The following PTPRD variants were observed in gnomAD, a reference collection of about 807,000 sequenced individuals.
The protein encoded by PTPRD is receptor-type tyrosine-protein phosphatase delta.
A neutral mutation model predicts 214.5 loss-of-function variants in PTPRD; 34 were observed. The observed-to-expected ratio is 0.16, with a 90% confidence interval of 0.12 to 0.21. PTPRD has a LOEUF of 0.21. Ranked by LOEUF, PTPRD falls within the 10% of genes least tolerant of loss-of-function variation. The pLI is 1.00. For synonymous variants in PTPRD, 1,128 were observed against 845.7 expected, an observed-to-expected ratio of 1.33 and a Z score of -5.79; for missense variants, 2,545 against 2,398.7, an observed-to-expected ratio of 1.06 and a Z score of -1.27.
At chr9:9,057,507 C>G (rs911475911) in intron 10 of PTPRD, among the ~76,000 whole-genome samples, 3 of 151,970 alleles carry the variant, frequency 2.0e-5, no homozygotes, top group Non-Finnish European at 4.4e-5. Context: ...AAAAATGAAG[C>G]CTGAAATTTT....
intron 5 of PTPRD, among the ~76,000 whole-genome samples, chr9:9,897,131 T>TACACAC (rs60964311): frequency 0.13 from 19,115 of 148,838 alleles, 1,425 homozygotes; most frequent in Middle Eastern, 0.21. Context: ...CTCTTACACT[T>TACACAC]ACACACACAC....
intron 7 of PTPRD, among the ~76,000 whole-genome samples, chr9:9,721,763 G>C (rs2097953100): frequency 6.6e-6 from 1 of 151,964 alleles, no homozygotes; most frequent in Non-Finnish European, 1.5e-5. Flanking sequence ...TGTCATTCAG[G>C]TCATTTCTAT....
intron 9 of PTPRD, among the ~76,000 whole-genome samples, chr9:9,234,930 G>T (rs1222953565): frequency 6.6e-6 from 1 of 152,116 alleles, no homozygotes; most frequent in Admixed American, 6.6e-5. Context: ...TTCCAAAGTT[G>T]CTCTCACATT....
In PTPRD at chr9:10,310,111, G is replaced by C. The variant is rs149158288; in HGVS notation, c.-545+30852C>G. Among the ~76,000 whole-genome samples, 108 of 152,090 alleles carry C rather than the reference G, an allele frequency of 7.1e-4. 1 individual carries two copies. The highest frequency in any genetic ancestry group is 2.5e-3 in the Admixed American group (38 of 15,254). ...CCAATTACTCTCTTTTTGGACACAC[G>C]AACAAGAAGCCTTTATGGAGACTTA... is the stretch of plus-strand genomic sequence containing the variant. On this transcript the variant is annotated intron_variant, in intron 3 of 45. Coordinates refer to ENST00000381196, the MANE Select transcript of PTPRD (RefSeq NM_002839.4).
At chr9:10,573,153 T>C (rs1383170121) in intron 2 of PTPRD, among the ~76,000 whole-genome samples, 3 of 152,126 alleles carry the variant, frequency 2.0e-5, no homozygotes, top group African/African-American at 2.4e-5. Context: ...CCCACAAAAA[T>C]AGAACAAGAT....
chr9:8,445,251 C>T (rs1304165444), intron 34 of PTPRD, among the ~76,000 whole-genome samples: 1 of 152,124 alleles, frequency 6.6e-6, no homozygotes, highest in Non-Finnish European at 1.5e-5. Flanking sequence ...TGACCTTGTA[C>T]ACTAATAATG....
intron 4 of PTPRD, among the ~76,000 whole-genome samples, chr9:10,019,641 G>T (rs537906184): frequency 6.6e-6 from 1 of 152,142 alleles, no homozygotes; most frequent in Non-Finnish European, 1.5e-5. Flanking sequence ...CATGGATGAA[G>T]CTGGAAACCG....
In PTPRD at chr9:8,331,283, G is replaced by A. The variant is rs186832701; in HGVS notation, c.5534+299C>T. On this transcript the variant is annotated intron_variant, in intron 44 of 45. Transcript: ENST00000381196. Reference sequence around the variant, plus strand: ...AAGCAAATATGAAATGATTAACAACGAATTATTACTAGGGGAGGTACCAAC... The same window carrying A: ...AAGCAAATATGAAATGATTAACAACAAATTATTACTAGGGGAGGTACCAAC... 3.8e-3 allele frequency among the ~76,000 whole-genome samples: 578 copies of A among 152,148 alleles called. 4 individuals are homozygous for A. The highest frequency in any genetic ancestry group is 0.013 in the African/African-American group (549 of 41,518).
At chr9:9,095,612 G>C (rs2154434627) in intron 10 of PTPRD, among the ~76,000 whole-genome samples, 1 of 152,230 alleles carries the variant, frequency 6.6e-6, no homozygotes, top group East Asian at 1.9e-4. Flanking sequence ...TTATAGACGA[G>C]CCACCACACC....
chr9:9,695,567 G>T (rs1408926597), intron 7 of PTPRD, among the ~76,000 whole-genome samples: 1 of 152,040 alleles, frequency 6.6e-6, no homozygotes, highest in Non-Finnish European at 1.5e-5. Flanking sequence ...TTATTTCGAG[G>T]TATGTTCCTT....
intron 11 of PTPRD, among the ~76,000 whole-genome samples, chr9:8,791,422 C>A (rs1283075274): frequency 6.6e-6 from 1 of 151,714 alleles, no homozygotes; most frequent in Non-Finnish European, 1.5e-5. Context: ...GACATGGTTT[C>A]ACCATGTTGG....
intron 11 of PTPRD, among the ~76,000 whole-genome samples, chr9:8,928,580 G>GTACTATGCTGTT (rs58910166): frequency 6.7e-6 from 1 of 149,428 alleles, no homozygotes; most frequent in Non-Finnish European, 1.5e-5. Flanking sequence ...TTTGGTACCA[G>GTACTATGCTGTT]TTGGTTACTC....
rs556115714 is a variant in PTPRD, at chr9:8,933,393, A to G, written c.-104+85304T>C. ...AAAAGGACTCTAGTATAACATACAG[A>G]TAATAATTTATCCCTTTCTTATACC... On this transcript the variant is annotated intron_variant, in intron 11 of 45. Coordinates refer to ENST00000381196, the MANE Select transcript of PTPRD (RefSeq NM_002839.4). Among the ~76,000 whole-genome samples, 66 of 135,890 alleles carry G rather than the reference A, an allele frequency of 4.9e-4. No individual in the cohort carries two copies. The Middle Eastern group carries it at 0.013, about 26-fold the overall frequency. 89.1% of individuals were successfully genotyped at this position (135,890 alleles called of 152,430 possible).
chr9:10,493,167 T>A (rs982491654), intron 2 of PTPRD, among the ~76,000 whole-genome samples: 1 of 152,130 alleles, frequency 6.6e-6, no homozygotes, highest in Admixed American at 6.6e-5. Flanking sequence ...AAAATGGGCA[T>A]ACTACCTAAA....
intron 12 of PTPRD, among the ~76,000 whole-genome samples, chr9:8,711,142 A>C (rs1278369220): frequency 7.2e-6 from 1 of 139,174 alleles, no homozygotes; most frequent in Non-Finnish European, 1.6e-5. Context: ...TATCATTATA[A>C]AACACTGTAA....
At chr9:9,582,439 A>C (rs2091037078) in intron 7 of PTPRD, among the ~76,000 whole-genome samples, 1 of 152,084 alleles carries the variant, frequency 6.6e-6, no homozygotes. Context: ...AGAGCAATTA[A>C]AATAGGAGGA....
chr9:9,072,474 C>T (rs867482972), intron 10 of PTPRD, among the ~76,000 whole-genome samples: 2 of 152,142 alleles, frequency 1.3e-5, no homozygotes, highest in South Asian at 2.1e-4. Context: ...TCTGCTACTT[C>T]GTTCAGGCTG....
intron 2 of PTPRD, among the ~76,000 whole-genome samples, chr9:10,349,507 G>A (rs1162707665): frequency 6.6e-6 from 1 of 152,012 alleles, no homozygotes; most frequent in Non-Finnish European, 1.5e-5. Context: ...ACACAAAAAT[G>A]CATATACATA....
intron 9 of PTPRD, among the ~76,000 whole-genome samples, chr9:9,368,961 T>C (rs1370139724): frequency 2.0e-5 from 3 of 151,978 alleles, no homozygotes; most frequent in African/African-American, 7.2e-5. Flanking sequence ...CCTTCCTGTG[T>C]CCATGTTTTC....
Sources: allele counts gnomAD v4.1 joint callset (sites outside exome capture counted in the v4.1 genomes callset), GRCh38; gene constraint gnomAD v4.1.1; transcripts MANE v1.5; gene names NCBI Gene and HGNC (gene_info 2026-07-23, HGNC 2026-07-21).